Variants in CALCOCO2 observed in about 807,000 individuals in gnomAD.
CALCOCO2 encodes calcium-binding and coiled-coil domain-containing protein 2.
CALCOCO2 carries 42 observed loss-of-function variants against 62.5 expected under a neutral mutation model. The observed-to-expected ratio is 0.67, with a 90% CI of 0.53 to 0.87. The LOEUF is 0.87. CALCOCO2 is among the 40% of genes least tolerant of loss of function. The probability of loss-of-function intolerance (pLI) is 0.00; values close to 1 mark genes in which losing one functional copy is unlikely to be tolerated. For missense variants in CALCOCO2, 456 were observed against 515.0 expected, an observed-to-expected ratio of 0.89 and a Z score of 1.11; for synonymous variants, 167 against 173.0, an observed-to-expected ratio of 0.97 and a Z score of 0.27.
chr17:48,837,450 G>A (rs1336356671), intron 1 of CALCOCO2, among the ~76,000 whole-genome samples: 1 of 152,056 alleles, frequency 6.6e-6, no homozygotes, highest in African/African-American at 2.4e-5. Context: ...TTCAAGACCA[G>A]CCTGGCCAAC....
At chr17:48,857,872 G>T (rs1027137658) in intron 10 of CALCOCO2, among the ~76,000 whole-genome samples, 22 of 149,862 alleles carry the variant, frequency 1.5e-4, no homozygotes, top group Non-Finnish European at 1.0e-4. Context: ...AGCTACTCAG[G>T]AGGCTGAGGC....
At chr17:48,835,769 CAG>C (rs927672885) in intron 1 of CALCOCO2, among the ~76,000 whole-genome samples, 5 of 143,242 alleles carry the variant, frequency 3.5e-5, no homozygotes, top group Admixed American at 1.4e-4. Context: ...TTTTTTGAGA[CAG>C]AGTTTTTTGC....
rs575698593 is a variant in CALCOCO2, at chr17:48,852,842, C to T, written c.826-84C>T. ...CCTCTCCCTATGCATCCTGCTTGCT[C>T]ATTAGCTTAGCAGGCCCTTCCATGG... is the stretch of plus-strand genomic sequence containing the variant. On this transcript the variant is annotated intron_variant, in intron 8 of 12. Coordinates refer to ENST00000258947, the MANE Select transcript of CALCOCO2 (RefSeq NM_005831.5). The T allele has an allele frequency of 1.9e-5, 21 of 1,113,388 alleles. No individual in the cohort carries two copies. In the East Asian group the frequency reaches 4.4e-4, roughly 23 times the overall value. The allele number at this position is 1,113,388 out of a possible 1,614,324, so 69.0% of individuals were successfully genotyped here. A position where few individuals can be genotyped will look rare whatever the true frequency, so the allele number is the denominator to read the frequency against.
intron 5 of CALCOCO2, 28 bp downstream of exon 5, chr17:48,849,405 G>A (rs764514848): frequency 3.5e-5 from 56 of 1,606,646 alleles, no homozygotes; most frequent in Non-Finnish European, 4.7e-5. Context: ...AGGTGACCTT[G>A]GAGCATGGAG....
chr17:48,834,066 A>G (rs12450461), intron 1 of CALCOCO2, among the ~76,000 whole-genome samples: 16,365 of 144,466 alleles, frequency 0.11, 1,657 homozygotes, highest in African/African-American at 0.28. Context: ...GCAGTGAGCC[A>G]CATTCATGCC....
At chr17:48,858,478 C>A (rs1376160829) in intron 10 of CALCOCO2, among the ~76,000 whole-genome samples, 2 of 151,930 alleles carry the variant, frequency 1.3e-5, no homozygotes, top group Admixed American at 6.6e-5. Context: ...TGCAGGTGCG[C>A]ACCACCACAC....
At position 48,863,521 on chromosome 17, in the gene CALCOCO2, A is replaced by G. The variant is rs1300007542; in HGVS notation, c.*516A>G. The G allele has an allele frequency of 1.3e-5, 2 of 156,504 alleles. No homozygotes were observed. The highest frequency in any genetic ancestry group is 4.8e-5 in the African/African-American group (2 of 41,440). 9.7% of individuals were successfully genotyped at this position (156,504 alleles called of 1,614,324 possible). A position where few individuals can be genotyped will look rare whatever the true frequency, so the allele number is the denominator to read the frequency against. The stretch of plus-strand genomic sequence containing the variant: ...CCGTGGCAAAGAGCTCAGAAATCCA[A>G]TTTGGATACCAAAGGTTTCTCATGT... On this transcript the variant is annotated 3_prime_UTR_variant, in exon 13 of 13. Transcript: ENST00000258947.
chr17:48,850,024 G>A (rs183587775), intron 5 of CALCOCO2, among the ~76,000 whole-genome samples: 48 of 151,898 alleles, frequency 3.2e-4, no homozygotes, highest in Non-Finnish European at 5.2e-4. Flanking sequence ...CAGGAGACCG[G>A]GCGTGGTGGC....
chr17:48,843,202 A>T (rs2039999047), intron 2 of CALCOCO2, among the ~76,000 whole-genome samples: 2 of 152,162 alleles, frequency 1.3e-5, no homozygotes, highest in African/African-American at 4.8e-5. Flanking sequence ...CAGTTCAAGT[A>T]CAGAATGGTA....
intron 4 of CALCOCO2, 81 bp downstream of exon 4, chr17:48,848,536 G>T (rs1432161305): frequency 2.6e-5 from 33 of 1,291,482 alleles, no homozygotes; most frequent in Non-Finnish European, 3.5e-5. Flanking sequence ...AGTTAATAAG[G>T]CTTTATTGAA....
chr17:48,838,244 T>C, intron 1 of CALCOCO2, among the ~76,000 whole-genome samples: 1 of 152,038 alleles, frequency 6.6e-6, no homozygotes, highest in South Asian at 2.1e-4. Context: ...AGGATAGGGA[T>C]TTTCACAGTG....
Position 48,856,151 on chromosome 17 carries a change from G to C in CALCOCO2, c.972G>C (p.Leu324=). 3 of 1,603,940 alleles carry C rather than the reference G, an allele frequency of 1.9e-6. No individual in the cohort carries two copies. The South Asian group carries it at 3.3e-5, about 18-fold the overall frequency. ...LSENEIICNA[L]QRQKERLEGE... is the part of the protein sequence containing the mutation. ...AGAACGAAATTATATGTAATGCTCT[G>C]CAGAGACAGAAAGAGAGATTGGAAG... is the stretch of plus-strand genomic sequence containing the variant. The change falls in exon 10 of 13, where the codon CTG becomes CTC. Residue 324 remains leucine, a synonymous_variant. Transcript: ENST00000258947.
intron 11 of CALCOCO2, 25 bp from the exon 12 acceptor site, chr17:48,862,247 TTGAA>T (rs771027535): frequency 2.7e-6 from 4 of 1,493,248 alleles, no homozygotes; most frequent in Non-Finnish European, 3.7e-6. Flanking sequence ...TATTTTCTCA[TTGAA>T]TGAGATCTTT....
rs1315321049 is a variant in CALCOCO2 at position 48,832,747 on chromosome 17, CT to C, written c.-11+1670del. Reference sequence around the variant, plus strand: ...GGGACATGGCATGTTAGAATCACCCCTGTCAAGGGAAAAGTGGATGGTCTCA... The same window carrying C: ...GGGACATGGCATGTTAGAATCACCCCGTCAAGGGAAAAGTGGATGGTCTCA... On this transcript the variant is annotated intron_variant, in intron 1 of 12. Coordinates refer to ENST00000258947, the MANE Select transcript of CALCOCO2 (RefSeq NM_005831.5). 3.3e-5 allele frequency among the ~76,000 whole-genome samples: 5 copies of C among 152,306 alleles called. No homozygotes were observed. In the East Asian group the frequency reaches 5.8e-4, roughly 18 times the overall value.
rs11463396 is a variant in CALCOCO2 at position 48,855,863 on chromosome 17, C to CAA, written c.913-211_913-210dup. On this transcript the variant is annotated intron_variant, in intron 9 of 12. Coordinates refer to ENST00000258947, the MANE Select transcript of CALCOCO2 (RefSeq NM_005831.5). ...TGGTCACTTATACCCTCAGCTAAAC[C>CAA]AAAAAAAAAAAAAAAAAAATTGGCA... The CAA allele has an allele frequency of 8.1e-3, 1,352 of 167,370 alleles. 11 individuals carry two copies. The highest frequency in any genetic ancestry group is 0.023 in the African/African-American group (833 of 35,828). The allele number at this position is 167,370 out of a possible 1,614,324, so 10.4% of individuals were successfully genotyped here.
chr17:48,860,609 T>TA (rs1462399668), intron 11 of CALCOCO2, among the ~76,000 whole-genome samples, 160 bp downstream of exon 11: 1 of 152,168 alleles, frequency 6.6e-6, no homozygotes, highest in Non-Finnish European at 1.5e-5. Flanking sequence ...CGAGAAGTGT[T>TA]AATTGAGAAA....
intron 10 of CALCOCO2, among the ~76,000 whole-genome samples, chr17:48,858,046 A>ACAGAACAG: frequency 5.0e-5 from 2 of 40,038 alleles, no homozygotes; most frequent in Non-Finnish European, 4.9e-5. Flanking sequence ...ATAGAATAGA[A>ACAGAACAG]AATAGAATAG....
intron 1 of CALCOCO2, among the ~76,000 whole-genome samples, chr17:48,838,303 CA>C (rs895702230): frequency 6.6e-6 from 1 of 152,094 alleles, no homozygotes; most frequent in Non-Finnish European, 1.5e-5. Flanking sequence ...CCAATTAGGT[CA>C]GGGGTCGATC....
intron 9 of CALCOCO2, chr17:48,855,863 C>CAAAAA: frequency 1.8e-5 from 3 of 167,722 alleles, no homozygotes; most frequent in Non-Finnish European, 2.4e-5. Context: ...TCAGCTAAAC[C>CAAAAA]AAAAAAAAAA....
Sources: gnomAD v4.1 joint callset for allele counts (sites outside exome capture counted in the v4.1 genomes callset) on GRCh38, gnomAD v4.1.1 for gene constraint, MANE v1.5 for transcripts, NCBI Gene and HGNC (gene_info 2026-07-23, HGNC 2026-07-21) for gene names.